HPSE2: variants seen among roughly 807,000 people sequenced by gnomAD.
The protein encoded by HPSE2 is heparanase 2 (inactive).
In HPSE2, 38 loss-of-function variants were observed where a neutral mutation model predicts 60.5. The observed-to-expected ratio is 0.63, with a 90% confidence interval of 0.48 to 0.82. The LOEUF is 0.82. Among genes scored for constraint, HPSE2 ranks in the 40% least tolerant of loss-of-function variants. The pLI is 0.00. For missense variants in HPSE2, 713 were observed against 740.4 expected (o/e 0.96, Z 0.43); for synonymous variants, 295 against 293.2 (o/e 1.01, Z -0.06).
At chr10:98,533,252 G>A (rs1943184380) in intron 9 of HPSE2, among the ~76,000 whole-genome samples, 1 of 152,212 alleles carries the variant, frequency 6.6e-6, no homozygotes. Flanking sequence ...ATGTCAGGAA[G>A]CATCACCATA....
intron 3 of HPSE2, among the ~76,000 whole-genome samples, chr10:99,075,261 T>C (rs1842919817): frequency 6.6e-6 from 1 of 152,162 alleles, no homozygotes; most frequent in Non-Finnish European, 1.5e-5. Flanking sequence ...TTTTCTAATT[T>C]CCCTTATGAT....
chr10:98,491,851 A>G (rs1489159025), intron 9 of HPSE2, among the ~76,000 whole-genome samples: 1 of 152,192 alleles, frequency 6.6e-6, no homozygotes, highest in African/African-American at 2.4e-5. Flanking sequence ...CAGCTGAAAA[A>G]CAAGGAATTC....
chr10:98,980,831 G>A (rs187043652), intron 3 of HPSE2, among the ~76,000 whole-genome samples: 39 of 152,166 alleles, frequency 2.6e-4, no homozygotes, highest in African/African-American at 9.2e-4. Context: ...AACTTTTAAC[G>A]TTAAATAAAC....
chr10:99,078,584 G>A lies in HPSE2; in HGVS notation c.610+65654C>T, dbSNP rs75884333. Among the ~76,000 whole-genome samples the A allele has an allele frequency of 6.4e-3, 970 of 151,886 alleles. 11 individuals are homozygous for A. Among genetic ancestry groups the A allele is most frequent in the Non-Finnish European group, 8.0e-3 (543 of 67,952 alleles). On this transcript the variant is annotated intron_variant, in intron 3 of 11. Coordinates refer to ENST00000370552, the MANE Select transcript of HPSE2 (RefSeq NM_021828.5). ...CATATATTGCATGATGCTGAGCCTT[G>A]GGATATAAATTTTTAAAAAATATTT... is the stretch of plus-strand genomic sequence containing the variant.
At chr10:98,870,328 G>A (rs1952698973) in intron 3 of HPSE2, among the ~76,000 whole-genome samples, 1 of 152,160 alleles carries the variant, frequency 6.6e-6, no homozygotes, top group Admixed American at 6.6e-5. Flanking sequence ...GATCTGAGCT[G>A]GCTCTCAAAC....
intron 3 of HPSE2, among the ~76,000 whole-genome samples, chr10:98,870,998 C>T (rs1952716876): frequency 1.3e-5 from 2 of 151,712 alleles, no homozygotes; most frequent in African/African-American, 4.8e-5. Context: ...CCCTCTCTCA[C>T]CACGGGACGC....
intron 9 of HPSE2, among the ~76,000 whole-genome samples, chr10:98,555,162 T>A (rs1226985307): frequency 6.6e-6 from 1 of 152,184 alleles, no homozygotes; most frequent in African/African-American, 2.4e-5. Context: ...TTTAAAATCT[T>A]CTCTGGGGAA....
At chr10:98,684,041 A>G (rs574416997) in intron 6 of HPSE2, among the ~76,000 whole-genome samples, 3 of 152,338 alleles carry the variant, frequency 2.0e-5, no homozygotes, top group South Asian at 4.1e-4. Flanking sequence ...CATCCAAAAT[A>G]TAAATCAAAC....
At chr10:98,802,028 A>G (rs183585729) in intron 3 of HPSE2, among the ~76,000 whole-genome samples, 1 of 151,556 alleles carries the variant, frequency 6.6e-6, no homozygotes, top group East Asian at 1.9e-4. Context: ...ACCAGAAACA[A>G]ATCCACACAT....
chr10:99,112,972 T>C (rs1017705717), intron 3 of HPSE2, among the ~76,000 whole-genome samples: 5 of 151,784 alleles, frequency 3.3e-5, no homozygotes, highest in African/African-American at 4.8e-5. Context: ...CATATACACA[T>C]GCATGGAAAA....
chr10:99,102,018 C>T (rs1215454355), intron 3 of HPSE2, among the ~76,000 whole-genome samples: 5 of 152,096 alleles, frequency 3.3e-5, no homozygotes, highest in African/African-American at 1.2e-4. Flanking sequence ...ACTAAATGCC[C>T]ACAAGAGAAA....
chr10:98,960,730 T>TTTTTTTTTTTTTTTTTTTTTTTTATTTTG (rs1955647062), intron 3 of HPSE2, among the ~76,000 whole-genome samples: 2 of 24,792 alleles, frequency 8.1e-5, no homozygotes, highest in Non-Finnish European at 1.8e-4. Context: ...TGTTTTATTT[T>TTTTTTTTTTTTTTTTTTTTTTTTATTTTG]TTTTATTTTA....
intron 3 of HPSE2, among the ~76,000 whole-genome samples, chr10:98,908,035 G>A (rs1247654660): frequency 6.6e-6 from 1 of 152,176 alleles, no homozygotes; most frequent in Non-Finnish European, 1.5e-5. Context: ...ACATACCCAA[G>A]ATACCAAAGT....
chr10:98,742,582 T>C (rs1260165909), intron 4 of HPSE2, among the ~76,000 whole-genome samples: 1 of 152,210 alleles, frequency 6.6e-6, no homozygotes, highest in East Asian at 1.9e-4. Flanking sequence ...CATATTTTCA[T>C]ATCTATACTA....
chr10:98,590,084 A>C (rs1945046322), intron 9 of HPSE2, among the ~76,000 whole-genome samples: 1 of 145,252 alleles, frequency 6.9e-6, no homozygotes, highest in Admixed American at 6.7e-5. Context: ...AGAACAGAAA[A>C]GTAAGAGAGT....
chr10:98,808,216 C>A (rs756030905), intron 3 of HPSE2, among the ~76,000 whole-genome samples: 1 of 152,120 alleles, frequency 6.6e-6, no homozygotes, highest in Non-Finnish European at 1.5e-5. Flanking sequence ...CATATTCAAA[C>A]CTAAACTCAT....
intron 2 of HPSE2, among the ~76,000 whole-genome samples, chr10:99,177,655 T>C (rs1221357537): frequency 6.6e-6 from 1 of 152,106 alleles, no homozygotes; most frequent in Non-Finnish European, 1.5e-5. Flanking sequence ...AGACTTGGAC[T>C]CCCACATGAT....
At chr10:99,023,903 A>C (rs1957320731) in intron 3 of HPSE2, among the ~76,000 whole-genome samples, 1 of 152,248 alleles carries the variant, frequency 6.6e-6, no homozygotes, top group African/African-American at 2.4e-5. Flanking sequence ...TGAAGAACAC[A>C]ATAAATAACT....
chr10:99,264,773 T>A, the HPSE2 span, among the ~76,000 whole-genome samples: 1 of 152,028 alleles, frequency 6.6e-6, no homozygotes, highest in Non-Finnish European at 1.5e-5. Context: ...CCACTAATTC[T>A]ATATGACAAA....
Sources: gnomAD v4.1 joint callset for allele counts (sites outside exome capture counted in the v4.1 genomes callset) on GRCh38, gnomAD v4.1.1 for gene constraint, MANE v1.5 for transcripts, NCBI Gene and HGNC (gene_info 2026-07-23, HGNC 2026-07-21) for gene names.